PI4KA: variants seen among roughly 807,000 people sequenced by gnomAD.
PI4KA encodes PI4-kinase alpha.
PI4KA carries 122 observed loss-of-function variants against 271.4 expected under a neutral mutation model. That is an observed-to-expected ratio of 0.45 (90% CI 0.39 to 0.52). The LOEUF (loss-of-function observed/expected upper bound fraction) is 0.52, where lower values mean the gene tolerates loss of function less well. Ranked by LOEUF, PI4KA falls within the 20% of genes least tolerant of loss-of-function variation. The pLI, the probability that PI4KA is intolerant of heterozygous loss-of-function variation, is 0.00. For missense variants in PI4KA, 1,969 were observed against 2,769.1 expected (o/e 0.71, Z 6.48); for synonymous variants, 1,041 against 1,078.8 (o/e 0.96, Z 0.69).
intron 19 of PI4KA, chr22:20,783,863 T>A: frequency 6.8e-7 from 1 of 1,469,928 alleles, no homozygotes; most frequent in Non-Finnish European, 9.5e-7. Context: ...GGGTCGGCTC[T>A]GCAGGCTATC....
intron 39 of PI4KA, among the ~76,000 whole-genome samples, chr22:20,728,241 T>C (rs964948520): frequency 5.9e-5 from 9 of 151,958 alleles, no homozygotes; most frequent in African/African-American, 1.5e-4. Context: ...CTACTACATA[T>C]GCACAGAAAT....
At chr22:20,780,727 G>A (rs1180711443) in intron 19 of PI4KA, among the ~76,000 whole-genome samples, 1 of 138,030 alleles carries the variant, frequency 7.2e-6, no homozygotes, top group Non-Finnish European at 1.5e-5. Context: ...AGTGAGCCGA[G>A]ACTGTGCCAC....
At position 20,858,633 on chromosome 22, in the gene PI4KA, A is replaced by G. The variant is rs1411291736; in HGVS notation, c.93T>C (p.Tyr31=). 2.0e-6 allele frequency: 3 copies of G among 1,486,590 alleles called. No individual in the cohort carries two copies. In the African/African-American group the frequency reaches 4.4e-5, roughly 22 times the overall value. The allele number at this position is 1,486,590 out of a possible 1,614,324, so 92.1% of individuals were successfully genotyped here. ...GGGCCAGTGACAGGACCGTGTTGAA[A>G]TAGAAGCCCCGCGAGGCGCTGGAGC... is the stretch of plus-strand genomic sequence containing the variant. ...GSGSSASRGF[Y]FNTVLSLARS... is the part of the protein sequence containing the mutation. The change falls in exon 1 of 55, where the codon TAT becomes TAC. Residue 31 remains tyrosine (Y), a synonymous_variant. Transcript: ENST00000255882.
chr22:20,796,925 C>G (rs1463931697), intron 17 of PI4KA, among the ~76,000 whole-genome samples: 1 of 152,228 alleles, frequency 6.6e-6, no homozygotes, highest in East Asian at 1.9e-4. Flanking sequence ...CTGAGGCCAA[C>G]CAGGCTTCTG....
intron 9 of PI4KA, among the ~76,000 whole-genome samples, chr22:20,807,953 GAA>G (rs200885842): frequency 4.3e-4 from 59 of 137,732 alleles, no homozygotes; most frequent in African/African-American, 1.5e-3. Context: ...TTCTTCTTCT[GAA>G]AAAAAAAAAA....
intron 22 of PI4KA, among the ~76,000 whole-genome samples, chr22:20,761,997 A>G (rs555203419): frequency 1.2e-4 from 18 of 152,018 alleles, no homozygotes; most frequent in Non-Finnish European, 1.0e-4. Context: ...TGATACCTGT[A>G]TTTTTTCATC....
rs1330537695 is a variant in PI4KA at position 20,805,025 on chromosome 22, C to T, written c.1309G>A (p.Ala437Thr). ...ELSPLKLRCQANAACVDLMVW... is the reference protein window; with the variant it reads ...ELSPLKLRCQTNAACVDLMVW... The stretch of plus-strand genomic sequence containing the variant: ...ATGAGGTCCACACAGGCAGCATTCG[C>T]CTGACAGCGCAGTTTGAGGGGGCTC... Residue 437 changes from alanine to threonine, a missense_variant, in exon 11 of 55, where the codon GCG becomes ACG. By Grantham distance (58) the Ala-to-Thr change is moderately conservative. Around this residue, in one of 13 missense-constraint regions of PI4KA, gnomAD observed 540 missense variants for 555.5 expected, o/e 0.97. Transcript: ENST00000255882. 2 of 1,614,166 alleles carry T rather than the reference C, an allele frequency of 1.2e-6. No homozygotes were observed. Among genetic ancestry groups the T allele is most frequent in the Non-Finnish European group, 8.5e-7 (1 of 1,179,986 alleles).
chr22:20,819,926 A>G, intron 5 of PI4KA, 26 bp from the exon 6 acceptor site: 1 of 1,598,140 alleles, frequency 6.3e-7, no homozygotes, highest in Non-Finnish European at 8.6e-7. Context: ...AAAACGTTAC[A>G]ATATAAGAAA....
At position 20,820,236 on chromosome 22, in the gene PI4KA, C is replaced by T. The variant is rs560032377; in HGVS notation, c.529+303G>A. Among the ~76,000 whole-genome samples, 3 of 152,268 alleles carry T rather than the reference C, an allele frequency of 2.0e-5. No individual in the cohort carries two copies. The East Asian group carries it at 5.8e-4, about 29-fold the overall frequency. On this transcript the variant is annotated intron_variant, in intron 5 of 54. Coordinates refer to ENST00000255882, the MANE Select transcript of PI4KA (RefSeq NM_058004.4). Reference sequence around the variant, plus strand: ...CCTCTTAGGAGCATATTGGTAGCCTCACAACACAGAAAAAATGACCTTTGG... The same window carrying T: ...CCTCTTAGGAGCATATTGGTAGCCTTACAACACAGAAAAAATGACCTTTGG...
At chr22:20,747,356 A>C in intron 29 of PI4KA, 1 of 438,148 alleles carries the variant, frequency 2.3e-6, no homozygotes, top group Non-Finnish European at 4.1e-6. Context: ...CCATAAATCC[A>C]TAAATTTAAA....
chr22:20,855,089 T>C (rs1202507270), intron 1 of PI4KA, among the ~76,000 whole-genome samples: 3 of 150,578 alleles, frequency 2.0e-5, no homozygotes, highest in Non-Finnish European at 3.0e-5. Context: ...GAGGTGGAGG[T>C]TGCAGTGAAC....
chr22:20,757,141 A>C (rs372803353), intron 23 of PI4KA, among the ~76,000 whole-genome samples: 87 of 152,320 alleles, frequency 5.7e-4, no homozygotes, highest in African/African-American at 2.0e-3. Context: ...GGGCTGCTAG[A>C]TATTTCATAT....
intron 47 of PI4KA, among the ~76,000 whole-genome samples, chr22:20,714,215 G>A (rs1238387048): frequency 6.6e-6 from 1 of 151,770 alleles, no homozygotes; most frequent in Non-Finnish European, 1.5e-5. Context: ...TCAGCCTCAG[G>A]AAGGAGCCTG....
chr22:20,822,308 G>A (rs1233117616), intron 4 of PI4KA, among the ~76,000 whole-genome samples: 6 of 152,054 alleles, frequency 3.9e-5, no homozygotes, highest in African/African-American at 1.2e-4. Context: ...CAGCCTCCCA[G>A]AATGTTGGGA....
chr22:20,799,552 G>T, intron 15 of PI4KA, 119 bp downstream of exon 15: 1 of 784,556 alleles, frequency 1.3e-6, no homozygotes, highest in Non-Finnish European at 2.1e-6. Context: ...CCTGATACAT[G>T]CCTATGCTCT....
At chr22:20,836,911 T>A (rs1438416844) in intron 2 of PI4KA, among the ~76,000 whole-genome samples, 1 of 152,200 alleles carries the variant, frequency 6.6e-6, no homozygotes, top group Non-Finnish European at 1.5e-5. Flanking sequence ...CTTTCAGGAC[T>A]TACAGGTAAA....
intron 3 of PI4KA, among the ~76,000 whole-genome samples, chr22:20,830,365 C>T (rs971254733): frequency 2.0e-5 from 3 of 152,212 alleles, no homozygotes; most frequent in Non-Finnish European, 4.4e-5. Flanking sequence ...ATAGTCAAAT[C>T]TTGCTGAATC....
chr22:20,806,304 G>A (rs1935647441), intron 10 of PI4KA, among the ~76,000 whole-genome samples: 1 of 152,118 alleles, frequency 6.6e-6, no homozygotes, highest in South Asian at 2.1e-4. Flanking sequence ...CTCACTTCTG[G>A]GAAAAACAAA....
chr22:20,754,373 C>A (rs1044757034), intron 23 of PI4KA, among the ~76,000 whole-genome samples: 3 of 152,192 alleles, frequency 2.0e-5, no homozygotes, highest in Non-Finnish European at 4.4e-5. Context: ...CAGGCGTGAG[C>A]CACTATGCCC....
Sources: allele counts gnomAD v4.1 joint callset (sites outside exome capture counted in the v4.1 genomes callset), GRCh38; gene constraint gnomAD v4.1.1; regional missense constraint gnomAD v4.1.1; transcripts MANE v1.5; gene names NCBI Gene and HGNC (gene_info 2026-07-23, HGNC 2026-07-21).